Variants in FAM193A observed in about 807,000 individuals in gnomAD.
FAM193A encodes the protein family with sequence similarity 193 member A.
In FAM193A, 22 loss-of-function variants were observed where a neutral mutation model predicts 126.5. That is an observed-to-expected ratio of 0.17 (90% CI 0.12 to 0.25). FAM193A has a LOEUF of 0.25. Among genes scored for constraint, FAM193A ranks in the 10% least tolerant of loss-of-function variants. The pLI is 1.00. For synonymous variants in FAM193A, 761 were observed against 646.8 expected (o/e 1.18, Z -2.68); for missense variants, 1,675 against 1,672.8 (o/e 1.00, Z -0.02).
intron 12 of FAM193A, 138 bp from the exon 13 acceptor site, chr4:2,671,983 C>G: frequency 1.2e-6 from 1 of 820,098 alleles, no homozygotes; most frequent in Non-Finnish European, 1.9e-6. Context: ...CATGGAAGGC[C>G]CTGGTCAACT....
At chr4:2,695,784 A>G (rs1398219781) in intron 17 of FAM193A, among the ~76,000 whole-genome samples, 3 of 152,216 alleles carry the variant, frequency 2.0e-5, no homozygotes, top group Non-Finnish European at 4.4e-5. Context: ...AATAACAGGT[A>G]GAGGCCAAGC....
chr4:2,556,044 G>C (rs762426282), intron 1 of FAM193A, among the ~76,000 whole-genome samples: 2 of 151,632 alleles, frequency 1.3e-5, no homozygotes, highest in African/African-American at 4.9e-5. Context: ...TTACAGGCAT[G>C]TGCCACCACG....
chr4:2,545,611 GC>G (rs1737497930), intron 1 of FAM193A, among the ~76,000 whole-genome samples: 1 of 152,112 alleles, frequency 6.6e-6, no homozygotes, highest in African/African-American at 2.4e-5. Context: ...AGTGGGTACT[GC>G]CTGATAGTTT....
chr4:2,562,601 C>T (rs962924453), intron 1 of FAM193A, among the ~76,000 whole-genome samples: 24 of 151,918 alleles, frequency 1.6e-4, no homozygotes, highest in African/African-American at 5.8e-4. Flanking sequence ...AAAAGTGGCA[C>T]CCACCCCCCA....
At chr4:2,550,745 T>C (rs1331293878) in intron 1 of FAM193A, among the ~76,000 whole-genome samples, 1 of 151,504 alleles carries the variant, frequency 6.6e-6, no homozygotes, top group Non-Finnish European at 1.5e-5. Flanking sequence ...GGTTGTTTTT[T>C]TTGTTTTTGT....
At chr4:2,727,254 T>C (rs1720863729) in intron 20 of FAM193A, among the ~76,000 whole-genome samples, 1 of 149,992 alleles carries the variant, frequency 6.7e-6, no homozygotes, top group African/African-American at 2.5e-5. Flanking sequence ...AGACTCCGTC[T>C]CAAAAAAAAA....
chr4:2,567,744 T>C (rs898666731), intron 1 of FAM193A, among the ~76,000 whole-genome samples: 1 of 152,244 alleles, frequency 6.6e-6, no homozygotes, highest in Non-Finnish European at 1.5e-5. Context: ...CCTTGTGCCA[T>C]GCCCAGATGA....
At chr4:2,561,673 G>T (rs113472512) in intron 1 of FAM193A, among the ~76,000 whole-genome samples, 14,680 of 149,582 alleles carry the variant, frequency 0.098, 1,455 homozygotes, top group African/African-American at 0.26. Flanking sequence ...ATTTTTGTAT[G>T]TTTAGTACAG....
At chr4:2,645,942 A>T (rs1286198629) in intron 6 of FAM193A, among the ~76,000 whole-genome samples, 2 of 152,184 alleles carry the variant, frequency 1.3e-5, no homozygotes, top group Admixed American at 1.3e-4. Flanking sequence ...TTTATGTCTC[A>T]TTAAGTGTTT....
chr4:2,587,567 C>T (rs1374985520), intron 1 of FAM193A, among the ~76,000 whole-genome samples: 1 of 143,498 alleles, frequency 7.0e-6, no homozygotes, highest in East Asian at 1.9e-4. Context: ...TGGTGCATGC[C>T]TGTAGTTCCA....
chr4:2,595,765 A>G (rs1253442587), intron 1 of FAM193A, among the ~76,000 whole-genome samples: 2 of 152,224 alleles, frequency 1.3e-5, no homozygotes, highest in Non-Finnish European at 2.9e-5. Context: ...GTTGGTGGTA[A>G]CCAGTTCTGG....
intron 7 of FAM193A, among the ~76,000 whole-genome samples, chr4:2,649,051 C>T (rs956832195): frequency 1.3e-5 from 2 of 152,100 alleles, no homozygotes; most frequent in Non-Finnish European, 2.9e-5. Context: ...GCTTTTAATT[C>T]CAAATAAGTT....
chr4:2,650,740 G>A (rs1745579755), intron 7 of FAM193A, among the ~76,000 whole-genome samples: 3 of 152,148 alleles, frequency 2.0e-5, no homozygotes, highest in African/African-American at 7.2e-5. Context: ...TTAGGTCATT[G>A]AAACCTCCCA....
intron 13 of FAM193A, among the ~76,000 whole-genome samples, chr4:2,681,243 C>G (rs565937405): frequency 6.6e-6 from 1 of 152,048 alleles, no homozygotes; most frequent in Non-Finnish European, 1.5e-5. Context: ...TACTCCATCT[C>G]ACTAAAGTTT....
intron 7 of FAM193A, among the ~76,000 whole-genome samples, chr4:2,653,113 AT>A (rs1745834100): frequency 6.6e-6 from 1 of 152,250 alleles, no homozygotes; most frequent in Non-Finnish European, 1.5e-5. Context: ...AGTTTCAGAG[AT>A]TCATTTCTCC....
chr4:2,652,144 C>A (rs1325566445), intron 7 of FAM193A, among the ~76,000 whole-genome samples: 4 of 152,146 alleles, frequency 2.6e-5, no homozygotes, highest in African/African-American at 9.7e-5. Flanking sequence ...GAGTACCCTT[C>A]ATGGGAGGCA....
chr4:2,578,461 C>A (rs1350009339), intron 1 of FAM193A, among the ~76,000 whole-genome samples: 1 of 149,926 alleles, frequency 6.7e-6, no homozygotes, highest in Non-Finnish European at 1.5e-5. Flanking sequence ...TTTTTTTTTT[C>A]CCCCCTCAAT....
chr4:2,731,931 C>A lies in FAM193A; in HGVS notation c.*63C>A. ...CCAGGCTGCACCACCCCAAGAGCCA[C>A]GCCCCTCGCTGGCGCCCCAGAGCCG... On this transcript the variant is annotated 3_prime_UTR_variant, in exon 21 of 21. Coordinates refer to ENST00000637812, the MANE Select transcript of FAM193A (RefSeq NM_001366318.2). The A allele has an allele frequency of 2.4e-6, 3 of 1,270,400 alleles. No homozygotes were observed. The highest frequency in any genetic ancestry group is 3.4e-6 in the Non-Finnish European group (3 of 870,560). The allele number at this position is 1,270,400 out of a possible 1,614,324, so 78.7% of individuals were successfully genotyped here.
At position 2,596,071 on chromosome 4, in the gene FAM193A, T is replaced by G. The variant is rs934019336; in HGVS notation, c.256-13T>G. 1 of 681,242 alleles carries G rather than the reference T, an allele frequency of 1.5e-6. No homozygotes were observed. The highest frequency in any genetic ancestry group is 1.8e-5 in the African/African-American group (1 of 56,058). 42.2% of individuals were successfully genotyped at this position (681,242 alleles called of 1,614,324 possible). On this transcript the variant is annotated splice_polypyrimidine_tract_variant and intron_variant, in intron 1 of 20. Transcript: ENST00000637812. Reference sequence around the variant, plus strand: ...TGAGGTTTTGAAAATAGAATTTTTTTTTTCTATTCCAGACTCCTTTTAGTT... The same window carrying G: ...TGAGGTTTTGAAAATAGAATTTTTTGTTTCTATTCCAGACTCCTTTTAGTT...
Sources: gnomAD v4.1 joint callset for allele counts (sites outside exome capture counted in the v4.1 genomes callset) on GRCh38, gnomAD v4.1.1 for gene constraint, MANE v1.5 for transcripts, NCBI Gene and HGNC (gene_info 2026-07-23, HGNC 2026-07-21) for gene names.